Variants in CEP112 observed in about 807,000 individuals in gnomAD.
CEP112 encodes centrosomal protein 112, also known as centrosomal protein of 112 kDa.
A neutral mutation model predicts 153.0 loss-of-function variants in CEP112; 127 were observed. The observed-to-expected ratio is 0.83, with a 90% CI of 0.72 to 0.96. The LOEUF (loss-of-function observed/expected upper bound fraction) is 0.96. CEP112 is among the 40% of genes least tolerant of loss of function. The pLI, the probability that CEP112 is intolerant of heterozygous loss-of-function variation, is 0.00. For missense variants in CEP112, 1,089 were observed against 1,101.2 expected (o/e 0.99, Z 0.16); for synonymous variants, 358 against 374.4 (o/e 0.96, Z 0.51).
At chr17:66,029,056 G>A in intron 14 of CEP112, 67 bp downstream of exon 14, 1 of 1,169,940 alleles carries the variant, frequency 8.5e-7, no homozygotes, top group Non-Finnish European at 1.2e-6. Flanking sequence ...TTTCTACTTG[G>A]CTATCTATGG....
At chr17:65,895,152 G>C (rs1419544393) in intron 20 of CEP112, among the ~76,000 whole-genome samples, 2 of 152,038 alleles carry the variant, frequency 1.3e-5, no homozygotes, top group Non-Finnish European at 2.9e-5. Context: ...TATGCTTTCT[G>C]AATCTTTCTT....
At chr17:65,788,467 T>C (rs8071892) in intron 21 of CEP112, among the ~76,000 whole-genome samples, 7,050 of 152,256 alleles carry the variant, frequency 0.046, 581 homozygotes, top group African/African-American at 0.16. Context: ...TTGTTTATTA[T>C]TGGAGTTTTC....
chr17:66,075,312 G>C (rs1001911079), intron 8 of CEP112, among the ~76,000 whole-genome samples: 2 of 152,122 alleles, frequency 1.3e-5, no homozygotes, highest in Non-Finnish European at 2.9e-5. Context: ...TTATGAGGTG[G>C]AAATTAGAAA....
intron 24 of CEP112, among the ~76,000 whole-genome samples, chr17:65,684,682 C>T (rs1454813226): frequency 1.3e-5 from 2 of 152,154 alleles, no homozygotes; most frequent in African/African-American, 2.4e-5. Flanking sequence ...TTAATCTGTA[C>T]CTGCACCCGA....
At chr17:65,705,833 T>C (rs1043989120) in intron 23 of CEP112, among the ~76,000 whole-genome samples, 4 of 152,200 alleles carry the variant, frequency 2.6e-5, no homozygotes, top group Non-Finnish European at 5.9e-5. Context: ...GGATACTTAG[T>C]TATGAAGTAA....
chr17:65,744,427 T>C lies in CEP112; in HGVS notation c.2458-1210A>G, dbSNP rs181929163. Among the ~76,000 whole-genome samples, 657 of 152,218 alleles carry C rather than the reference T, an allele frequency of 4.3e-3. 2 individuals are homozygous for C. The highest frequency in any genetic ancestry group is 6.8e-3 in the Middle Eastern group (2 of 294). The stretch of plus-strand genomic sequence containing the variant: ...CAGGCCTGGCTAATTTTTGTATTTT[T>C]AGTAGAGACGAGTTTCACCATATTG... On this transcript the variant is annotated intron_variant, in intron 22 of 26. Coordinates refer to ENST00000535342, the MANE Select transcript of CEP112 (RefSeq NM_001199165.4).
chr17:65,721,007 CTCTTT>C (rs975451545), intron 23 of CEP112, among the ~76,000 whole-genome samples: 1 of 138,174 alleles, frequency 7.2e-6, no homozygotes, highest in African/African-American at 2.7e-5. Flanking sequence ...CTCTCTCTCT[CTCTTT>C]TTTTTTTTTT....
chr17:65,711,995 T>C (rs2049212694), intron 23 of CEP112, among the ~76,000 whole-genome samples: 1 of 152,166 alleles, frequency 6.6e-6, no homozygotes, highest in African/African-American at 2.4e-5. Flanking sequence ...CCACTATCAC[T>C]TTCCCCACAG....
intron 19 of CEP112, among the ~76,000 whole-genome samples, chr17:65,924,430 T>C (rs953388516): frequency 2.0e-5 from 3 of 152,204 alleles, no homozygotes; most frequent in African/African-American, 7.2e-5. Flanking sequence ...TTAAAATCTA[T>C]ATGAATTAGT....
intron 18 of CEP112, among the ~76,000 whole-genome samples, chr17:65,928,577 T>G (rs1000858842): frequency 3.3e-5 from 5 of 152,220 alleles, no homozygotes; most frequent in African/African-American, 1.2e-4. Flanking sequence ...CAGTAGAATA[T>G]TATTCAATCA....
At chr17:66,103,608 G>A (rs754575423) in intron 6 of CEP112, among the ~76,000 whole-genome samples, 13 of 152,012 alleles carry the variant, frequency 8.6e-5, no homozygotes, top group African/African-American at 2.2e-4. Context: ...AATTTTCCCC[G>A]CAGCATGAAC....
At chr17:65,893,488 C>T (rs567136132) in intron 20 of CEP112, among the ~76,000 whole-genome samples, 10 of 152,092 alleles carry the variant, frequency 6.6e-5, no homozygotes, top group East Asian at 1.9e-4. Flanking sequence ...GAGATCAAGA[C>T]GTAATTTAAA....
chr17:65,666,979 G>C (rs1299101760), intron 24 of CEP112, among the ~76,000 whole-genome samples: 1 of 152,160 alleles, frequency 6.6e-6, no homozygotes, highest in East Asian at 1.9e-4. Flanking sequence ...TCTGGTCTAA[G>C]GGAAACTTAA....
intron 16 of CEP112, among the ~76,000 whole-genome samples, chr17:66,020,459 C>A (rs2064958156): frequency 1.3e-5 from 2 of 152,138 alleles, no homozygotes; most frequent in Admixed American, 1.3e-4. Flanking sequence ...TCTAATTCAT[C>A]CTCAACCCCA....
At chr17:66,040,998 G>T (rs1050072665) in intron 12 of CEP112, among the ~76,000 whole-genome samples, 6 of 151,710 alleles carry the variant, frequency 4.0e-5, no homozygotes, top group Non-Finnish European at 7.4e-5. Context: ...CCTAAAATGG[G>T]TTTATTAAAT....
intron 1 of CEP112, among the ~76,000 whole-genome samples, chr17:66,185,397 A>G (rs1228284631): frequency 1.3e-5 from 2 of 152,068 alleles, no homozygotes; most frequent in African/African-American, 2.4e-5. Context: ...TAACTTTTCT[A>G]TTTTTAGTAG....
At chr17:65,817,996 A>G (rs949705885) in intron 21 of CEP112, among the ~76,000 whole-genome samples, 3 of 151,818 alleles carry the variant, frequency 2.0e-5, no homozygotes, top group African/African-American at 4.8e-5. Flanking sequence ...ATTTTCATCC[A>G]TTAGGTCCTG....
chr17:65,798,485 G>T (rs1231153338), intron 21 of CEP112, among the ~76,000 whole-genome samples: 1 of 152,070 alleles, frequency 6.6e-6, no homozygotes, highest in East Asian at 1.9e-4. Flanking sequence ...CCCCTGTGTG[G>T]TTATTTTAAA....
chr17:65,952,260 C>T (rs1206644202), intron 18 of CEP112, among the ~76,000 whole-genome samples: 2 of 151,998 alleles, frequency 1.3e-5, no homozygotes, highest in African/African-American at 2.4e-5. Flanking sequence ...CAAAGGAGCA[C>T]AGCAAAGACT....
Sources: allele counts gnomAD v4.1 joint callset (sites outside exome capture counted in the v4.1 genomes callset), GRCh38; gene constraint gnomAD v4.1.1; transcripts MANE v1.5; gene names NCBI Gene and HGNC (gene_info 2026-07-23, HGNC 2026-07-21).